The following SNTB1 variants were observed in gnomAD, a reference collection of about 807,000 sequenced individuals.
The protein encoded by SNTB1 is beta-1-syntrophin.
Under a neutral mutation model 48.9 loss-of-function variants are expected in SNTB1, and 36 were observed. That is an observed-to-expected ratio of 0.74 (90% CI 0.56 to 0.97). SNTB1 has a LOEUF of 0.97. Among genes scored for constraint, SNTB1 ranks in the 50% least tolerant of loss-of-function variants. The pLI is 0.00. For synonymous variants in SNTB1, 299 were observed against 294.6 expected (o/e 1.01, Z -0.15); for missense variants, 786 against 703.4 (o/e 1.12, Z -1.33).
intron 4 of SNTB1, among the ~76,000 whole-genome samples, chr8:120,573,446 C>T (rs1018530126): frequency 6.6e-6 from 1 of 152,006 alleles, no homozygotes; most frequent in South Asian, 2.1e-4. Context: ...TGGATATTAA[C>T]CTTTAATTAG....
At chr8:120,572,984 A>G (rs1427359621) in intron 4 of SNTB1, among the ~76,000 whole-genome samples, 1 of 152,192 alleles carries the variant, frequency 6.6e-6, no homozygotes, top group African/African-American at 2.4e-5. Context: ...TGCAATGAAC[A>G]TGGGAGCGTA....
At chr8:120,609,533 T>C (rs1816585092) in intron 3 of SNTB1, among the ~76,000 whole-genome samples, 2 of 152,250 alleles carry the variant, frequency 1.3e-5, no homozygotes, top group African/African-American at 4.8e-5. Context: ...CCTGAGGGTG[T>C]TGGAGAGCCC....
chr8:120,754,941 A>T (rs936633408), intron 1 of SNTB1, among the ~76,000 whole-genome samples: 4 of 152,200 alleles, frequency 2.6e-5, no homozygotes, highest in African/African-American at 4.8e-5. Flanking sequence ...AGGAACATTT[A>T]AAAAAGACAC....
At chr8:120,622,017 C>T (rs375592359) in intron 3 of SNTB1, among the ~76,000 whole-genome samples, 2 of 152,314 alleles carry the variant, frequency 1.3e-5, no homozygotes, top group Non-Finnish European at 2.9e-5. Context: ...ATTCAACAAA[C>T]GTTAAGTTGA....
At position 120,592,585 on chromosome 8, in the gene SNTB1, TGCTATGTGCCAG is replaced by T. The variant is rs572137536; in HGVS notation, c.997-17372_997-17361del. Among the ~76,000 whole-genome samples, 121 of 152,310 alleles carry T rather than the reference TGCTATGTGCCAG, an allele frequency of 7.9e-4. 1 individual carries two copies. Among genetic ancestry groups the T allele is most frequent in the African/African-American group, 2.6e-3 (110 of 41,564 alleles). On this transcript the variant is annotated intron_variant, in intron 3 of 6. Transcript: ENST00000517992. ...ATGCTATAAATATTTGTTAAGCACA[TGCTATGTGCCAG>T]ACACTGTGCTGGGAGCTAGGCACTT...
At chr8:120,588,129 T>C (rs1816179126) in intron 3 of SNTB1, among the ~76,000 whole-genome samples, 1 of 152,068 alleles carries the variant, frequency 6.6e-6, no homozygotes, top group South Asian at 2.1e-4. Context: ...GGATAAAAGG[T>C]GGGGTGTGTT....
chr8:120,780,776 A>ACCATAC (rs1335620058), intron 1 of SNTB1, among the ~76,000 whole-genome samples: 1 of 152,250 alleles, frequency 6.6e-6, no homozygotes, highest in African/African-American at 2.4e-5. Flanking sequence ...AGAATAAAGC[A>ACCATAC]CCATACCTGT....
rs986833998 is a variant in SNTB1, at chr8:120,779,318, C to T, written c.571+31955G>A. Among the ~76,000 whole-genome samples the T allele has an allele frequency of 1.1e-4, 16 of 152,232 alleles. No individual in the cohort carries two copies. In the South Asian group the frequency reaches 2.7e-3, roughly 26 times the overall value. On this transcript the variant is annotated intron_variant, in intron 1 of 6. Transcript: ENST00000517992. ...AGGAGATTGAGACCATACTGGCCAACATGGTGAAACCCCATTTCTGCTAAA... is the reference window on the plus strand; with the variant it reads ...AGGAGATTGAGACCATACTGGCCAATATGGTGAAACCCCATTTCTGCTAAA...
At chr8:120,786,077 G>A (rs7011039) in intron 1 of SNTB1, among the ~76,000 whole-genome samples, 10,282 of 152,240 alleles carry the variant, frequency 0.068, 502 homozygotes, top group African/African-American at 0.14. Flanking sequence ...CAGAGCTGAC[G>A]CAGTACCTGC....
intron 4 of SNTB1, among the ~76,000 whole-genome samples, chr8:120,565,996 G>T (rs1815742758): frequency 6.6e-6 from 1 of 152,068 alleles, no homozygotes; most frequent in Admixed American, 6.5e-5. Flanking sequence ...ATCACCTGAG[G>T]TCAGGAGTTC....
intron 1 of SNTB1, among the ~76,000 whole-genome samples, chr8:120,754,486 AAAAG>A (rs1284776916): frequency 6.6e-6 from 1 of 152,142 alleles, no homozygotes; most frequent in Non-Finnish European, 1.5e-5. Flanking sequence ...CCTGTATCAA[AAAAG>A]AAAGAAGAAG....
intron 2 of SNTB1, among the ~76,000 whole-genome samples, chr8:120,668,273 TC>T (rs1419222211): frequency 6.6e-6 from 1 of 152,202 alleles, no homozygotes; most frequent in African/African-American, 2.4e-5. Context: ...CTCATTTGTT[TC>T]CCATCTCTCA....
intron 3 of SNTB1, 22 bp from the exon 4 acceptor site, chr8:120,575,247 T>C: frequency 6.2e-7 from 1 of 1,614,068 alleles, no homozygotes; most frequent in Non-Finnish European, 8.5e-7. Context: ...AGCAGAGAAC[T>C]GTCAAATGAC....
chr8:120,669,618 A>C, intron 2 of SNTB1, among the ~76,000 whole-genome samples: 1 of 85,784 alleles, frequency 1.2e-5, no homozygotes, highest in Non-Finnish European at 2.0e-5. Flanking sequence ...GCGCCCGGCT[A>C]ATTTTTTGTA....
At chr8:120,664,929 A>T (rs1204486130) in intron 2 of SNTB1, among the ~76,000 whole-genome samples, 3 of 152,198 alleles carry the variant, frequency 2.0e-5, no homozygotes, top group Non-Finnish European at 4.4e-5. Context: ...ATCCTCGCCA[A>T]TACCTAATAT....
intron 1 of SNTB1, among the ~76,000 whole-genome samples, chr8:120,755,787 T>C (rs1219038159): frequency 6.6e-6 from 1 of 152,190 alleles, no homozygotes; most frequent in Non-Finnish European, 1.5e-5. Flanking sequence ...TTCCAAGTTA[T>C]GTTCTAATAG....
intron 2 of SNTB1, among the ~76,000 whole-genome samples, chr8:120,634,295 A>G (rs945552911): frequency 6.6e-6 from 1 of 152,354 alleles, no homozygotes; most frequent in East Asian, 1.9e-4. Context: ...CTTAATAATC[A>G]TGATATTATT....
At chr8:120,554,434 A>G (rs1393923094) in intron 4 of SNTB1, among the ~76,000 whole-genome samples, 1 of 152,190 alleles carries the variant, frequency 6.6e-6, no homozygotes, top group Admixed American at 6.5e-5. Context: ...ACGTAGGACA[A>G]TGAGCGCTGA....
chr8:120,625,914 A>C (rs1366490637), intron 3 of SNTB1, among the ~76,000 whole-genome samples: 1 of 152,124 alleles, frequency 6.6e-6, no homozygotes, highest in African/African-American at 2.4e-5. Context: ...AGAAATTCTG[A>C]CTTAGGTAAT....
Sources: allele counts gnomAD v4.1 joint callset (sites outside exome capture counted in the v4.1 genomes callset), GRCh38; gene constraint gnomAD v4.1.1; transcripts MANE v1.5; gene names NCBI Gene and HGNC (gene_info 2026-07-23, HGNC 2026-07-21).